LINGO2: variants seen among roughly 807,000 people sequenced by gnomAD.
LINGO2 encodes leucine-rich repeat and immunoglobulin-like domain-containing nogo receptor-interacting protein 2.
LINGO2 carries 14 observed loss-of-function variants against 30.6 expected under a neutral mutation model. That is an observed-to-expected ratio of 0.46 (90% CI 0.30 to 0.72). The LOEUF is 0.72. LINGO2 is among the 30% of genes least tolerant of loss of function. LINGO2 has a pLI of 0.07. For synonymous variants in LINGO2, 317 were observed against 288.5 expected, an observed-to-expected ratio of 1.10 and a Z score of -1.00; for missense variants, 729 against 751.7, an observed-to-expected ratio of 0.97 and a Z score of 0.35.
rs143327236 is a variant in LINGO2 at position 28,393,921 on chromosome 9, A to G, written c.-278-21053T>C. On this transcript the variant is annotated intron_variant, in intron 2 of 5. Coordinates refer to ENST00000379992, the Ensembl canonical transcript of LINGO2. ...ATAACTCTGAGGAAAAAGCTCTTAT[A>G]CTAGCTGCAGGTGTTCCCCAGCAGG... Among the ~76,000 whole-genome samples the G allele has an allele frequency of 2.0e-3, 312 of 152,280 alleles. 5 individuals are homozygous for G. Among genetic ancestry groups the G allele is most frequent in the Admixed American group, 0.017 (260 of 15,306 alleles).
chr9:28,721,879 G>A, the LINGO2 span, among the ~76,000 whole-genome samples: 1 of 151,740 alleles, frequency 6.6e-6, no homozygotes. Context: ...TCTAGCTTTG[G>A]GCTCTTGTTA....
intron 5 of LINGO2, among the ~76,000 whole-genome samples, chr9:27,957,635 G>T (rs1004126300): frequency 1.3e-5 from 2 of 151,782 alleles, no homozygotes; most frequent in Non-Finnish European, 2.9e-5. Context: ...AAATCAGATG[G>T]TGTTGTTCAT....
intron 1 of LINGO2, among the ~76,000 whole-genome samples, chr9:28,624,742 G>C (rs1826581696): frequency 6.6e-6 from 1 of 151,474 alleles, no homozygotes; most frequent in Non-Finnish European, 1.5e-5. Flanking sequence ...AATAGTTTGA[G>C]TAGGATTGGT....
At chr9:29,008,389 A>G in the LINGO2 span, among the ~76,000 whole-genome samples, 4 of 152,100 alleles carry the variant, frequency 2.6e-5, no homozygotes, top group African/African-American at 7.2e-5. Context: ...AAAAACATAC[A>G]CGTGGATGTG....
chr9:28,901,142 G>T, the LINGO2 span, among the ~76,000 whole-genome samples: 7 of 152,006 alleles, frequency 4.6e-5, no homozygotes, highest in Non-Finnish European at 7.4e-5. Context: ...AAACCTTATA[G>T]ACCAGGAGAA....
At chr9:28,006,108 G>A (rs1476002891) in intron 5 of LINGO2, among the ~76,000 whole-genome samples, 1 of 151,862 alleles carries the variant, frequency 6.6e-6, no homozygotes, top group African/African-American at 2.4e-5. Context: ...GTGTCACCAG[G>A]AGAGCTTTGC....
At chr9:28,981,441 GA>G in the LINGO2 span, among the ~76,000 whole-genome samples, 1 of 152,126 alleles carries the variant, frequency 6.6e-6, no homozygotes, top group Non-Finnish European at 1.5e-5. Context: ...ATGCACTCAT[GA>G]AATTTCCCTT....
chr9:29,151,259 G>C, the LINGO2 span, among the ~76,000 whole-genome samples: 1 of 152,126 alleles, frequency 6.6e-6, no homozygotes, highest in South Asian at 2.1e-4. Context: ...GTCTTTAAGA[G>C]AGTGCTAAAC....
chr9:29,041,250 A>G, the LINGO2 span, among the ~76,000 whole-genome samples: 4 of 152,104 alleles, frequency 2.6e-5, no homozygotes, highest in African/African-American at 9.6e-5. Context: ...GAACCTATCA[A>G]TTTTCCCCAA....
chr9:28,040,920 AT>A (rs1172432934), intron 4 of LINGO2, among the ~76,000 whole-genome samples: 4 of 152,174 alleles, frequency 2.6e-5, no homozygotes, highest in African/African-American at 9.7e-5. Context: ...AGGTAGAGGA[AT>A]TGACCTATAG....
At chr9:28,894,071 G>A in the LINGO2 span, among the ~76,000 whole-genome samples, 1 of 152,108 alleles carries the variant, frequency 6.6e-6, no homozygotes, top group Non-Finnish European at 1.5e-5. Context: ...TCCCTACAAA[G>A]GACATGAACT....
the LINGO2 span, among the ~76,000 whole-genome samples, chr9:28,685,650 A>G: frequency 2.0e-5 from 3 of 152,148 alleles, no homozygotes; most frequent in Non-Finnish European, 4.4e-5. Flanking sequence ...GGAGTGGAGA[A>G]TAACTCCTTT....
chr9:28,613,454 T>C (rs1401783621), intron 1 of LINGO2, among the ~76,000 whole-genome samples: 1 of 150,886 alleles, frequency 6.6e-6, no homozygotes, highest in East Asian at 1.9e-4. Flanking sequence ...TATATACCCA[T>C]ATGATATATA....
chr9:28,040,174 T>C (rs1474590708), intron 4 of LINGO2, among the ~76,000 whole-genome samples: 2 of 152,208 alleles, frequency 1.3e-5, no homozygotes, highest in Non-Finnish European at 2.9e-5. Flanking sequence ...TTTTTGCTGC[T>C]ATTAGCAAAA....
At chr9:28,041,108 C>T (rs935506685) in intron 4 of LINGO2, among the ~76,000 whole-genome samples, 6 of 152,200 alleles carry the variant, frequency 3.9e-5, no homozygotes, top group African/African-American at 1.4e-4. Context: ...AAAAAAGCTA[C>T]CACTATTGTT....
the LINGO2 span, among the ~76,000 whole-genome samples, chr9:28,815,993 C>T: frequency 6.6e-6 from 1 of 152,044 alleles, no homozygotes; most frequent in African/African-American, 2.4e-5. Context: ...ATCAAGGAGC[C>T]CCATCCAGTG....
chr9:28,602,797 C>T (rs569418025), intron 1 of LINGO2, among the ~76,000 whole-genome samples: 6 of 152,142 alleles, frequency 3.9e-5, no homozygotes, highest in Admixed American at 3.9e-4. Flanking sequence ...AATTTAAAAA[C>T]AAGCCCTAAT....
chr9:28,672,654 T>G (rs1380402167), upstream of LINGO2, among the ~76,000 whole-genome samples: 1 of 152,212 alleles, frequency 6.6e-6, no homozygotes, highest in Non-Finnish European at 1.5e-5. Flanking sequence ...TCTAAAGTGT[T>G]TATTGAGTGT....
chr9:28,791,850 T>A, the LINGO2 span, among the ~76,000 whole-genome samples: 1 of 151,768 alleles, frequency 6.6e-6, no homozygotes, highest in Non-Finnish European at 1.5e-5. Flanking sequence ...TTCTTAAAAA[T>A]TATTTTAGAG....
Sources: gnomAD v4.1 joint callset for allele counts (sites outside exome capture counted in the v4.1 genomes callset) on GRCh38, gnomAD v4.1.1 for gene constraint, MANE v1.5 for transcripts, NCBI Gene and HGNC (gene_info 2026-07-23, HGNC 2026-07-21) for gene names.